CDH18: variants seen among roughly 807,000 people sequenced by gnomAD.
CDH18 encodes the protein cadherin-18.
In CDH18, 31 loss-of-function variants were observed where a neutral mutation model predicts 67.9. The ratio of observed to expected loss-of-function variants is 0.46; its 90% CI spans 0.34 to 0.62. The LOEUF (loss-of-function observed/expected upper bound fraction) is 0.62, where lower values mean the gene tolerates loss of function less well. Among genes scored for constraint, CDH18 ranks in the 20% least tolerant of loss-of-function variants. The probability of loss-of-function intolerance (pLI) is 0.01; values close to 1 mark genes in which losing one functional copy is unlikely to be tolerated. For synonymous variants in CDH18, 362 were observed against 347.2 expected, an observed-to-expected ratio of 1.04 and a Z score of -0.48; for missense variants, 890 against 975.5, an observed-to-expected ratio of 0.91 and a Z score of 1.17.
chr5:19,756,739 T>G (rs889788044), intron 3 of CDH18, among the ~76,000 whole-genome samples: 1 of 152,202 alleles, frequency 6.6e-6, no homozygotes, highest in Non-Finnish European at 1.5e-5. Flanking sequence ...TGTCTCCTGG[T>G]GTCAGTATTC....
At chr5:19,839,302 G>A (rs1782013137) in intron 2 of CDH18, 60 bp from the exon 3 acceptor site, 1 of 297,550 alleles carries the variant, frequency 3.4e-6, no homozygotes, top group Non-Finnish European at 6.4e-6. Context: ...TATTTGCTCT[G>A]AATACAAATG....
intron 9 of CDH18, among the ~76,000 whole-genome samples, chr5:19,524,277 A>C (rs1747383739): frequency 6.7e-6 from 1 of 150,010 alleles, no homozygotes; most frequent in Non-Finnish European, 1.5e-5. Context: ...ACTTATAGTA[A>C]AAGATAATAT....
intron 2 of CDH18, among the ~76,000 whole-genome samples, chr5:19,994,748 G>T (rs1252765638): frequency 0.045 from 650 of 14,356 alleles, 2 homozygotes; most frequent in African/African-American, 0.052. Context: ...TAGAGAGAGA[G>T]AGAGAGAGAG....
At chr5:20,301,092 C>T (rs1747943993) in intron 1 of CDH18, among the ~76,000 whole-genome samples, 1 of 152,044 alleles carries the variant, frequency 6.6e-6, no homozygotes. Flanking sequence ...TCTATTGTGT[C>T]TTTTTTTCAA....
chr5:19,725,209 A>C (rs1232582347), intron 4 of CDH18, among the ~76,000 whole-genome samples: 2 of 151,764 alleles, frequency 1.3e-5, no homozygotes, highest in Non-Finnish European at 2.9e-5. Flanking sequence ...TACAGGCGTG[A>C]GCCACCGCAC....
intron 10 of CDH18, among the ~76,000 whole-genome samples, chr5:19,515,430 C>A (rs1367701738): frequency 6.7e-6 from 1 of 149,338 alleles, no homozygotes; most frequent in African/African-American, 2.5e-5. Context: ...CTATAAATTA[C>A]CTTGGGCAGT....
intron 3 of CDH18, among the ~76,000 whole-genome samples, chr5:19,781,667 A>G (rs1345775079): frequency 6.6e-6 from 1 of 152,140 alleles, no homozygotes; most frequent in African/African-American, 2.4e-5. Context: ...TGGTATTTTC[A>G]TATTTTTTTC....
chr5:19,936,662 A>G lies in CDH18; in HGVS notation c.-257+44398T>C, dbSNP rs879930277. ...TAAAAACTAGAAGCTCTAGTATAAC[A>G]TAAATTTTACATTTTGGGTAAAATG... On this transcript the variant is annotated intron_variant, in intron 2 of 12. Transcript: ENST00000382275. Among the ~76,000 whole-genome samples the G allele has an allele frequency of 9.9e-5, 15 of 151,244 alleles. 1 individual carries two copies. Among genetic ancestry groups the G allele is most frequent in the Admixed American group, 7.9e-4 (12 of 15,122 alleles).
intron 2 of CDH18, among the ~76,000 whole-genome samples, chr5:20,128,889 GTT>G (rs1749041321): frequency 6.6e-6 from 1 of 151,976 alleles, no homozygotes. Flanking sequence ...TTTTCAGGAT[GTT>G]TGCCAAGCTA....
intron 2 of CDH18, among the ~76,000 whole-genome samples, chr5:20,095,352 AAAG>A (rs1235163344): frequency 5.0e-4 from 55 of 110,048 alleles, no homozygotes; most frequent in Middle Eastern, 4.5e-3. Flanking sequence ...AGAAAGAAAG[AAAG>A]AAAGAAAAGA....
At chr5:19,893,554 C>A (rs1411870325) in intron 2 of CDH18, among the ~76,000 whole-genome samples, 2 of 152,106 alleles carry the variant, frequency 1.3e-5, no homozygotes, top group Non-Finnish European at 2.9e-5. Flanking sequence ...GTTATTTACA[C>A]ACATATACAT....
intron 2 of CDH18, among the ~76,000 whole-genome samples, chr5:19,851,220 G>A (rs1783645780): frequency 6.6e-6 from 1 of 151,674 alleles, no homozygotes; most frequent in South Asian, 2.1e-4. Context: ...CTTTCCAGCT[G>A]ATATAACTTT....
intron 5 of CDH18, among the ~76,000 whole-genome samples, chr5:19,633,108 A>T (rs1752650449): frequency 6.6e-6 from 1 of 152,138 alleles, no homozygotes; most frequent in South Asian, 2.1e-4. Context: ...ATTCCTATAC[A>T]TACTGATTTC....
At chr5:20,569,666 T>C (rs929858569) in intron 1 of CDH18, among the ~76,000 whole-genome samples, 3 of 152,140 alleles carry the variant, frequency 2.0e-5, no homozygotes, top group Admixed American at 2.0e-4. Flanking sequence ...CCAGAAATCA[T>C]GCTCATTGGT....
chr5:19,718,812 T>C (rs1410274517), intron 5 of CDH18, among the ~76,000 whole-genome samples: 5 of 151,960 alleles, frequency 3.3e-5, no homozygotes, highest in South Asian at 4.1e-4. Flanking sequence ...AACAAAGAAA[T>C]GCAAGAGCAA....
intron 3 of CDH18, among the ~76,000 whole-genome samples, chr5:19,759,524 C>T (rs763263242): frequency 3.6e-4 from 54 of 152,074 alleles, no homozygotes; most frequent in South Asian, 1.9e-3. Flanking sequence ...TACCACAGGC[C>T]GAGTCCAGGG....
intron 2 of CDH18, among the ~76,000 whole-genome samples, chr5:20,035,211 G>A (rs1739743611): frequency 6.6e-6 from 1 of 151,938 alleles, no homozygotes; most frequent in African/African-American, 2.4e-5. Context: ...TAAATTTGGG[G>A]ATTTTTTTAT....
intron 1 of CDH18, among the ~76,000 whole-genome samples, chr5:20,359,636 T>C (rs1290993071): frequency 1.3e-5 from 2 of 152,224 alleles, no homozygotes; most frequent in Non-Finnish European, 2.9e-5. Flanking sequence ...AAGCTCAGCC[T>C]CAGCAGGTTT....
chr5:19,651,691 G>A (rs1755606360), intron 5 of CDH18, among the ~76,000 whole-genome samples: 1 of 152,026 alleles, frequency 6.6e-6, no homozygotes, highest in Admixed American at 6.6e-5. Context: ...CAGAAACTAA[G>A]CTAAAAGTAT....
Sources: gnomAD v4.1 joint callset for allele counts (sites outside exome capture counted in the v4.1 genomes callset) on GRCh38, gnomAD v4.1.1 for gene constraint, MANE v1.5 for transcripts, NCBI Gene and HGNC (gene_info 2026-07-23, HGNC 2026-07-21) for gene names.